Variants in ADCY9 observed in about 807,000 individuals in gnomAD.
ADCY9 encodes the protein adenylate cyclase type 9.
In ADCY9, 50 loss-of-function variants were observed where a neutral mutation model predicts 101.5. That is an observed-to-expected ratio of 0.49 (90% confidence interval 0.39 to 0.62). The LOEUF (loss-of-function observed/expected upper bound fraction) is 0.62. Among genes scored for constraint, ADCY9 ranks in the 20% least tolerant of loss-of-function variants. The pLI is 0.00. For missense variants in ADCY9, 1,662 were observed against 1,800.4 expected (o/e 0.92, Z 1.39); for synonymous variants, 905 against 769.3 (o/e 1.18, Z -2.92).
intron 2 of ADCY9, among the ~76,000 whole-genome samples, chr16:4,074,763 T>G (rs1597209774): frequency 6.8e-6 from 1 of 146,278 alleles, no homozygotes; most frequent in African/African-American, 2.5e-5. Context: ...GTCTACAAAG[T>G]GGAAGGTTAA....
chr16:4,106,300 G>A (rs1223468611), intron 2 of ADCY9, among the ~76,000 whole-genome samples: 2 of 152,196 alleles, frequency 1.3e-5, no homozygotes, highest in African/African-American at 4.8e-5. Context: ...TATCACTGCT[G>A]TCTGCAGTCT....
At chr16:3,993,308 T>G in intron 4 of ADCY9, 98 bp downstream of exon 4, 2 of 1,548,790 alleles carry the variant, frequency 1.3e-6, no homozygotes, top group Non-Finnish European at 1.8e-6. Flanking sequence ...CCAAGAGGAG[T>G]TACTCTCAGA....
chr16:4,091,198 C>T (rs61408268), intron 2 of ADCY9, among the ~76,000 whole-genome samples: 114 of 152,300 alleles, frequency 7.5e-4, no homozygotes, highest in East Asian at 5.4e-3. Context: ...CTCAGCCTCC[C>T]GAGTAGCTGG....
At chr16:3,958,894 T>C (rs1050731984), downstream of ADCY9, among the ~76,000 whole-genome samples, 5 of 151,476 alleles carry the variant, frequency 3.3e-5, no homozygotes, top group African/African-American at 7.3e-5. Context: ...CAGGCTAGTC[T>C]TGACTCCTGA....
At chr16:4,078,426 G>C (rs1287127049) in intron 2 of ADCY9, among the ~76,000 whole-genome samples, 2 of 151,920 alleles carry the variant, frequency 1.3e-5, no homozygotes, top group African/African-American at 2.4e-5. Context: ...AGCCAGGTGT[G>C]GTGGTGTACA....
At chr16:4,092,149 A>C (rs988069909) in intron 2 of ADCY9, among the ~76,000 whole-genome samples, 1 of 152,206 alleles carries the variant, frequency 6.6e-6, no homozygotes, top group African/African-American at 2.4e-5. Flanking sequence ...GGGTGCCTGT[A>C]ATCACCGGTA....
At position 3,965,254 on chromosome 16, in the gene ADCY9, A is replaced by C. The variant is rs957026488; in HGVS notation, c.*521T>G. 4 of 158,362 alleles carry C rather than the reference A, an allele frequency of 2.5e-5. No homozygotes were observed. The highest frequency in any genetic ancestry group is 7.2e-5 in the African/African-American group (3 of 41,502). 9.8% of individuals were successfully genotyped at this position (158,362 alleles called of 1,614,324 possible). On this transcript the variant is annotated 3_prime_UTR_variant, in exon 11 of 11. Transcript: ENST00000294016. Reference sequence around the variant, plus strand: ...GCGGATTACTGGCACTTTATATCAGATTCATGAATGCAAGTGTGTGTGCGC... The same window carrying C: ...GCGGATTACTGGCACTTTATATCAGCTTCATGAATGCAAGTGTGTGTGCGC...
chr16:3,956,694 C>G (rs1264640246), intron 5 of ADCY9, among the ~76,000 whole-genome samples: 1 of 150,990 alleles, frequency 6.6e-6, no homozygotes, highest in Non-Finnish European at 1.5e-5. Flanking sequence ...TGGATTTCAC[C>G]ATGTTGGCCA....
At position 4,115,316 on chromosome 16, in the gene ADCY9, G is replaced by A. The variant is rs1378608182; in HGVS notation, c.127C>T (p.Pro43Ser). ...NPKQLSSNSH[P>S]KHCKYSISSS... ...GAGATGCTGTATTTGCAGTGCTTGG[G>A]GTGGCTGTTGGAGGACAGCTGCTTG... The change falls in exon 2 of 11, where the codon CCC becomes TCC. Residue 43 changes from proline to serine, a missense_variant. By Grantham distance (74) the Pro-to-Ser change is moderately conservative. This residue lies in a region of ADCY9 where 422 missense variants were observed against 392.0 expected (regional missense o/e 1.08). Coordinates refer to ENST00000294016, the MANE Select transcript of ADCY9 (RefSeq NM_001116.4). The surrounding 1 kb of genome is among the most constrained non-coding windows in gnomAD (Gnocchi z 6.2). 1 of 1,613,752 alleles carries A rather than the reference G, an allele frequency of 6.2e-7. No individual in the cohort carries two copies. The highest frequency in any genetic ancestry group is 1.7e-5 in the Admixed American group (1 of 59,982).
intron 2 of ADCY9, among the ~76,000 whole-genome samples, chr16:4,060,092 G>A (rs568734024): frequency 6.6e-6 from 1 of 152,218 alleles, no homozygotes; most frequent in African/African-American, 2.4e-5. Flanking sequence ...TTGGAGGAGA[G>A]CACATGCCCA....
intron 10 of ADCY9, among the ~76,000 whole-genome samples, chr16:3,969,569 A>AATACATATAT (rs1451993942): frequency 6.4e-4 from 29 of 45,228 alleles, no homozygotes; most frequent in Non-Finnish European, 1.1e-3. Flanking sequence ...GTTTGTTTGA[A>AATACATATAT]ATATATATAT....
At chr16:4,068,103 A>T (rs934490176) in intron 2 of ADCY9, among the ~76,000 whole-genome samples, 1 of 152,144 alleles carries the variant, frequency 6.6e-6, no homozygotes, top group African/African-American at 2.4e-5. Flanking sequence ...GCAGTTTAGG[A>T]AATAAAAAAT....
rs2055991709 is a variant in ADCY9 at position 3,966,124 on chromosome 16, T to TA, written c.3712_3713insT (p.Lys1238IlefsTer59). On this transcript the variant is annotated frameshift_variant, in exon 11 of 11. Transcript: ENST00000294016. LOFTEE classifies it high-confidence loss of function. The stretch of plus-strand genomic sequence containing the variant: ...CGTGCACTTTGGGTACAGGTAGGTC[T>TA]TCATCTGGCCTTTCCCCTTGACATT... 3.7e-6 allele frequency: 6 copies of TA among 1,614,232 alleles called. No homozygotes were observed. Among genetic ancestry groups the TA allele is most frequent in the Non-Finnish European group, 5.1e-6 (6 of 1,180,036 alleles).
chr16:3,966,512 T>C lies in ADCY9; in HGVS notation c.3325A>G (p.Thr1109Ala). ...GCCGCCATGTACGTGGCTCCGATGG[T>C]CTTGATCTTCTCGATGCTGCTGTAG... Reference protein sequence around the residue: ...PDYSSIEKIKTIGATYMAASG... With the variant: ...PDYSSIEKIKAIGATYMAASG... The change falls in exon 11 of 11, where the codon ACC becomes GCC. Residue 1109 changes from threonine (T) to alanine (A), a missense_variant. By Grantham distance (58) the Thr-to-Ala change is moderately conservative (BLOSUM62 0). This residue lies in a region of ADCY9 where 220 missense variants were observed against 312.9 expected (regional missense o/e 0.70). Transcript: ENST00000294016. 6.2e-7 allele frequency: 1 copy of C among 1,614,134 alleles called. No homozygotes were observed. The highest frequency in any genetic ancestry group is 8.5e-7 in the Non-Finnish European group (1 of 1,180,032).
In ADCY9 at chr16:4,054,729, C is replaced by A. The variant is rs897100782; in HGVS notation, c.1694-47171G>T. Among the ~76,000 whole-genome samples the A allele has an allele frequency of 3.9e-5, 6 of 152,190 alleles. No individual in the cohort carries two copies. In the East Asian group the frequency reaches 1.2e-3, roughly 29 times the overall value. On this transcript the variant is annotated intron_variant, in intron 2 of 10. Coordinates refer to ENST00000294016, the MANE Select transcript of ADCY9 (RefSeq NM_001116.4). Reference sequence around the variant, plus strand: ...GGGACTACAGGTGCCCGCCACCATGCCCGGCTAATTTTGTATTGTTAGTAG... The same window carrying A: ...GGGACTACAGGTGCCCGCCACCATGACCGGCTAATTTTGTATTGTTAGTAG...
chr16:4,068,071 C>T (rs1200419459), intron 2 of ADCY9, among the ~76,000 whole-genome samples: 1 of 151,732 alleles, frequency 6.6e-6, no homozygotes, highest in Non-Finnish European at 1.5e-5. Flanking sequence ...TTAATAATTA[C>T]CATTAATGAT....
chr16:4,077,455 T>C (rs2056874858), intron 2 of ADCY9, among the ~76,000 whole-genome samples: 1 of 152,120 alleles, frequency 6.6e-6, no homozygotes, highest in Admixed American at 6.5e-5. Context: ...TTCTCTTTAT[T>C]ATGATTATTT....
chr16:3,958,541 CAA>C (rs57920543), downstream of ADCY9, among the ~76,000 whole-genome samples: 24 of 104,182 alleles, frequency 2.3e-4, no homozygotes, highest in African/African-American at 7.9e-4. Context: ...AACTCCGTCT[CAA>C]AAAAAAAAAA....
At position 4,110,376 on chromosome 16, in the gene ADCY9, C is replaced by CTTTTTTTTTTTTTTTTTTTTTTTTTTTT. The variant is rs1170090126; in HGVS notation, c.1693+3373_1693+3374insAAAAAAAAAAAAAAAAAAAAAAAAAAAA. ...AGTTTTGCAATCATACTTATACCTACTTTTTTTTTTTTTTTTTTTTTTTTT... is the reference window on the plus strand; with the variant it reads ...AGTTTTGCAATCATACTTATACCTACTTTTTTTTTTTTTTTTTTTTTTTTTTTTTTTTTTTTTTTTTTTTTTTTTTTTT... On this transcript the variant is annotated intron_variant, in intron 2 of 10. Transcript: ENST00000294016. 5.4e-5 allele frequency among the ~76,000 whole-genome samples: 6 copies of CTTTTTTTTTTTTTTTTTTTTTTTTTTTT among 110,742 alleles called. 2 individuals are homozygous for CTTTTTTTTTTTTTTTTTTTTTTTTTTTT. Among genetic ancestry groups the CTTTTTTTTTTTTTTTTTTTTTTTTTTTT allele is most frequent in the Non-Finnish European group, 5.5e-5 (3 of 55,024 alleles). The allele number at this position is 110,742 out of a possible 152,430, so 72.7% of individuals were successfully genotyped here.
Sources: gnomAD v4.1 joint callset for allele counts (sites outside exome capture counted in the v4.1 genomes callset) on GRCh38, gnomAD v4.1.1 for gene constraint, gnomAD v4.1.1 regional missense constraint, Gnocchi (gnomAD v3.1) non-coding constraint, MANE v1.5 for transcripts, NCBI Gene and HGNC (gene_info 2026-07-23, HGNC 2026-07-21) for gene names.